The following SHPK variants were observed in gnomAD, a reference collection of about 807,000 sequenced individuals.
SHPK encodes the protein carbohydrate kinase-like protein.
In SHPK, 51 loss-of-function variants were observed where a neutral mutation model predicts 46.3. That is an observed-to-expected ratio of 1.10 (90% CI 0.88 to 1.39). The LOEUF (loss-of-function observed/expected upper bound fraction) is 1.39, where lower values mean the gene tolerates loss of function less well. SHPK is among the 40% of genes most tolerant of loss of function. The probability of loss-of-function intolerance (pLI) is 0.00; values close to 1 mark genes in which losing one functional copy is unlikely to be tolerated. For missense variants in SHPK, 668 were observed against 641.3 expected (o/e 1.04, Z -0.45); for synonymous variants, 290 against 273.9 (o/e 1.06, Z -0.58).
rs879213813 is a variant in SHPK, at chr17:3,610,428, A to T, written c.*132T>A. 5.2e-5 allele frequency: 50 copies of T among 954,414 alleles called. 1 individual carries two copies. In the South Asian group the frequency reaches 7.1e-4, roughly 14 times the overall value. 59.1% of individuals were successfully genotyped at this position (954,414 alleles called of 1,614,324 possible). On this transcript the variant is annotated 3_prime_UTR_variant, in exon 7 of 7. Transcript: ENST00000225519. ...TTCTGAAGGTAAGTTCTTGGCCGAG[A>T]TGGGACCTCACAACAAGCACTGCTT...
chr17:3,624,024 G>A lies in SHPK; in HGVS notation c.494+24C>T, dbSNP rs201093822. 1.4e-4 allele frequency: 225 copies of A among 1,582,688 alleles called. 1 individual carries two copies. Among genetic ancestry groups the A allele is most frequent in the Admixed American group, 2.1e-4 (12 of 58,014 alleles). ...TCATTCTCCCGGAAACCCAGCACCC[G>A]AGTGAAAGTGCAGTTGCCCGTACCG... On this transcript the variant is annotated intron_variant, in intron 3 of 6. Transcript: ENST00000225519.
chr17:3,624,438 C>A (rs1016940986), intron 2 of SHPK, among the ~76,000 whole-genome samples: 2 of 152,078 alleles, frequency 1.3e-5, no homozygotes, highest in Admixed American at 1.3e-4. Context: ...GTCACATACT[C>A]CCTCCATTTG....
At chr17:3,630,063 G>A (rs950337510) in intron 2 of SHPK, 142 bp downstream of exon 2, 23 of 1,009,684 alleles carry the variant, frequency 2.3e-5, no homozygotes, top group African/African-American at 3.1e-5. Context: ...GCAGGAGGCA[G>A]CACGTATTCG....
At chr17:3,627,331 A>G (rs1449168663) in intron 2 of SHPK, among the ~76,000 whole-genome samples, 1 of 151,980 alleles carries the variant, frequency 6.6e-6, no homozygotes, top group Non-Finnish European at 1.5e-5. Flanking sequence ...GAAGACACTA[A>G]TCACTCCGTC....
At chr17:3,626,435 A>G (rs1441508307) in intron 2 of SHPK, among the ~76,000 whole-genome samples, 1 of 151,710 alleles carries the variant, frequency 6.6e-6, no homozygotes, top group Non-Finnish European at 1.5e-5. Context: ...CTCTTAGCTC[A>G]TCGGGCGCAG....
intron 4 of SHPK, chr17:3,622,593 C>T: frequency 4.1e-6 from 4 of 985,086 alleles, no homozygotes; most frequent in Middle Eastern, 5.2e-4. Context: ...GAATTTGGGC[C>T]CTGAAGGAAG....
Position 3,621,245 on chromosome 17 carries a change from G to A in SHPK, c.815C>T (p.Thr272Ile). The change falls in exon 5 of 7, where the codon ACA becomes ATA. Residue 272 changes from threonine to isoleucine, a missense_variant. Coordinates refer to ENST00000225519, the MANE Select transcript of SHPK (RefSeq NM_013276.4). ...ASVYSCMAQR[T>I]DAVLNISTSV... ...ACAAAAGAAAAACTTACCTGCATCT[G>A]TCCTCTGGGCCATGCAGGAATAGAC... 6.2e-7 allele frequency: 1 copy of A among 1,610,992 alleles called. No individual in the cohort carries two copies. The highest frequency in any genetic ancestry group is 8.5e-7 in the Non-Finnish European group (1 of 1,178,782).
In SHPK at chr17:3,630,248, C is replaced by G. The variant is rs1479320362; in HGVS notation, c.267G>C (p.Val89=). Residue 89 remains valine (V), a synonymous_variant, in exon 2 of 7, where the codon GTG becomes GTC. Coordinates refer to ENST00000225519, the MANE Select transcript of SHPK (RefSeq NM_013276.4). ...PQLRSVVGIG[V]SGQMHGVVFW... is the part of the protein sequence containing the mutation. ...ACACGACTCCATGCATCTGGCCCGA[C>G]ACCCCGATGCCCACGACGCTCCGGA... 1.2e-6 allele frequency: 2 copies of G among 1,613,830 alleles called. No individual in the cohort carries two copies. Among genetic ancestry groups the G allele is most frequent in the African/African-American group, 2.7e-5 (2 of 75,006 alleles).
At chr17:3,624,959 T>A (rs2075424824) in intron 2 of SHPK, among the ~76,000 whole-genome samples, 1 of 152,074 alleles carries the variant, frequency 6.6e-6, no homozygotes, top group African/African-American at 2.4e-5. Context: ...CTGGCCCTGA[T>A]TGATTTTTAG....
chr17:3,628,349 G>A (rs1465983064), intron 2 of SHPK, among the ~76,000 whole-genome samples: 1 of 148,940 alleles, frequency 6.7e-6, no homozygotes, highest in Non-Finnish European at 1.5e-5. Context: ...TTGAGACGAA[G>A]TCTTGTTCTG....
chr17:3,634,733 C>T (rs145590934), intron 1 of SHPK, among the ~76,000 whole-genome samples: 22 of 152,216 alleles, frequency 1.4e-4, no homozygotes, highest in African/African-American at 5.3e-4. Context: ...TTTTAATATG[C>T]CCTAATGTCC....
At position 3,610,431 on chromosome 17, in the gene SHPK, G is replaced by T; in HGVS notation, c.*129C>A. On this transcript the variant is annotated 3_prime_UTR_variant, in exon 7 of 7. Transcript: ENST00000225519. ...TGAAGGTAAGTTCTTGGCCGAGATG[G>T]GACCTCACAACAAGCACTGCTTGAA... 2.1e-6 allele frequency: 2 copies of T among 967,576 alleles called. No individual in the cohort carries two copies. The highest frequency in any genetic ancestry group is 3.1e-6 in the Non-Finnish European group (2 of 650,682). 59.9% of individuals were successfully genotyped at this position (967,576 alleles called of 1,614,324 possible). A position where few individuals can be genotyped will look rare whatever the true frequency, so the allele number is the denominator to read the frequency against.
intron 2 of SHPK, among the ~76,000 whole-genome samples, chr17:3,629,552 AC>A (rs2075457865): frequency 6.6e-6 from 1 of 151,698 alleles, no homozygotes; most frequent in Non-Finnish European, 1.5e-5. Context: ...ACATGGTGAA[AC>A]CCCGTCTCTA....
chr17:3,619,924 G>A (rs899981361), intron 5 of SHPK: 16 of 214,614 alleles, frequency 7.5e-5, no homozygotes, highest in South Asian at 3.5e-4. Flanking sequence ...GCGCCATATC[G>A]TCCCACGTTC....
intron 1 of SHPK, among the ~76,000 whole-genome samples, chr17:3,631,816 C>T (rs2075474310): frequency 6.6e-6 from 1 of 151,772 alleles, no homozygotes; most frequent in Non-Finnish European, 1.5e-5. Flanking sequence ...GCCACCGCAC[C>T]CAGCCTTGAT....
rs2075331465 is a variant in SHPK, at chr17:3,610,599, C to G, written c.1398G>C (p.Leu466=). The change falls in exon 7 of 7, where the codon CTG becomes CTC. Residue 466 remains leucine, a synonymous_variant. Transcript: ENST00000225519. ...GGTTGAGGTGTCTCCGGAGCATGAC[C>G]AGAGCTGCCCCGACAGCTGCATCCA... ...QDVDAAVGAA[L]VMLRRHLNQK... is the part of the protein sequence containing the mutation. 6.2e-7 allele frequency: 1 copy of G among 1,612,282 alleles called. No individual in the cohort carries two copies. Among genetic ancestry groups the G allele is most frequent in the African/African-American group, 1.3e-5 (1 of 75,028 alleles).
intron 2 of SHPK, among the ~76,000 whole-genome samples, chr17:3,629,665 T>C (rs1423032399): frequency 2.0e-5 from 3 of 150,736 alleles, no homozygotes; most frequent in African/African-American, 7.3e-5. Context: ...GAGGCAGAGG[T>C]TGCAGTGAGC....
chr17:3,622,451 G>T, intron 4 of SHPK: 1 of 365,794 alleles, frequency 2.7e-6, no homozygotes, highest in Non-Finnish European at 3.8e-6. Flanking sequence ...AAAGTCAAAT[G>T]CAGCAGGCTC....
At chr17:3,615,307 G>A in intron 6 of SHPK, 30 bp downstream of exon 6, 3 of 1,606,394 alleles carry the variant, frequency 1.9e-6, no homozygotes, top group Non-Finnish European at 2.6e-6. Context: ...GACAGGCAGA[G>A]AACACAGCGC....
Sources: allele counts gnomAD v4.1 joint callset (sites outside exome capture counted in the v4.1 genomes callset), GRCh38; gene constraint gnomAD v4.1.1; transcripts MANE v1.5; gene names NCBI Gene and HGNC (gene_info 2026-07-23, HGNC 2026-07-21).